CCT6A: variants seen among roughly 807,000 people sequenced by gnomAD.
CCT6A encodes the protein chaperonin containing TCP1 subunit 6A, also known as T-complex protein 1 subunit zeta.
In CCT6A, 6 loss-of-function variants were observed where a neutral mutation model predicts 58.6. The observed-to-expected ratio is 0.10, with a 90% CI of 0.06 to 0.20. The LOEUF (loss-of-function observed/expected upper bound fraction) is 0.20, where lower values mean the gene tolerates loss of function less well. Among genes scored for constraint, CCT6A ranks in the 10% least tolerant of loss-of-function variants. The pLI is 1.00. For synonymous variants in CCT6A, 245 were observed against 227.8 expected, an observed-to-expected ratio of 1.08 and a Z score of -0.68; for missense variants, 516 against 648.8, an observed-to-expected ratio of 0.80 and a Z score of 2.22.
At position 56,058,502 on chromosome 7, in the gene CCT6A, T is replaced by G; in HGVS notation, c.866T>G (p.Phe289Cys). 1 of 1,595,106 alleles carries G rather than the reference T, an allele frequency of 6.3e-7. No individual in the cohort carries two copies. Among genetic ancestry groups the G allele is most frequent in the Non-Finnish European group, 8.5e-7 (1 of 1,174,058 alleles). ...GTCTGTGGCGATTCAGATAAAGGATTTGTTGTTATTAATCAAAAGGTGAGA... is the reference window on the plus strand; with the variant it reads ...GTCTGTGGCGATTCAGATAAAGGATGTGTTGTTATTAATCAAAAGGTGAGA... ...RKVCGDSDKG[F>C]VVINQKGIDP... The change falls in exon 7 of 14, where the codon TTT becomes TGT. Residue 289 changes from phenylalanine (F) to cysteine (C), a missense_variant. Physicochemically the swap from Phe to Cys is radical, Grantham distance 205. Around this residue, in one of 3 missense-constraint regions of CCT6A, gnomAD observed 315 missense variants for 389.4 expected, o/e 0.81. Coordinates refer to ENST00000275603, the MANE Select transcript of CCT6A (RefSeq NM_001762.4).
chr7:56,063,169 A>C lies in CCT6A; in HGVS notation c.*84A>C, dbSNP rs543207674. The C allele has an allele frequency of 1.2e-4, 120 of 963,628 alleles. 1 individual carries two copies. In the African/African-American group the frequency reaches 1.7e-3, roughly 13 times the overall value. 59.7% of individuals were successfully genotyped at this position (963,628 alleles called of 1,614,324 possible). On this transcript the variant is annotated 3_prime_UTR_variant, in exon 14 of 14. Coordinates refer to ENST00000275603, the MANE Select transcript of CCT6A (RefSeq NM_001762.4). ...GCTGTGGAATTTTTGTCCAAGCTTC[A>C]AATAATTTTGAAAGAAATTTTCCCA...
chr7:56,052,295 A>G (rs1794134232), intron 1 of CCT6A, 127 bp from the exon 2 acceptor site: 2 of 827,652 alleles, frequency 2.4e-6, no homozygotes, highest in Admixed American at 2.1e-5. Context: ...CCTGTCCTCC[A>G]TCCTGCTGGA....
rs550230543 is a variant in CCT6A at position 56,060,177 on chromosome 7, T to C, written c.1066-92T>C. ...TAATGTGATCAAGTTTGTTCCTTAT[T>C]AATATGCTACTTGTCATTCTCTGTA... On this transcript the variant is annotated intron_variant, in intron 9 of 13. Transcript: ENST00000275603. 22 of 1,071,828 alleles carry C rather than the reference T, an allele frequency of 2.1e-5. No homozygotes were observed. In the African/African-American group the frequency reaches 2.8e-4, roughly 14 times the overall value. The allele number at this position is 1,071,828 out of a possible 1,614,324, so 66.4% of individuals were successfully genotyped here. A position where few individuals can be genotyped will look rare whatever the true frequency, so the allele number is the denominator to read the frequency against.
intron 2 of CCT6A, among the ~76,000 whole-genome samples, chr7:56,052,801 TTTTTTTTA>T (rs371625687): frequency 0.63 from 94,256 of 149,370 alleles, 30,202 homozygotes; most frequent in Non-Finnish European, 0.69. Context: ...TTCTTTTTTT[TTTTTTTTA>T]ATTAGACGAA....
intron 2 of CCT6A, among the ~76,000 whole-genome samples, chr7:56,053,942 C>T (rs1794247557): frequency 6.6e-6 from 1 of 152,160 alleles, no homozygotes; most frequent in South Asian, 2.1e-4. Flanking sequence ...TCTCCAATCT[C>T]CAGAAGTCTG....
At position 56,060,874 on chromosome 7, in the gene CCT6A, C is replaced by T. The variant is rs1424111550; in HGVS notation, c.1281C>T (p.Pro427=). Residue 427 remains proline (P), a synonymous_variant, in exon 11 of 14, where the codon CCC becomes CCT. Transcript: ENST00000275603. ...AMAEALIKHK[P]SVKGRAQLGV... is the part of the protein sequence containing the mutation. ...CAGAAGCCCTGATTAAACATAAGCC[C>T]AGTGTAAAGGGCAGGGCACAGCTTG... The T allele has an allele frequency of 1.9e-6, 3 of 1,613,828 alleles. No individual in the cohort carries two copies. The highest frequency in any genetic ancestry group is 2.5e-6 in the Non-Finnish European group (3 of 1,179,984).
In CCT6A at chr7:56,063,871, T is replaced by TA. The variant is rs1367400188; in HGVS notation, c.*787dup. 5.0e-6 allele frequency: 1 copy of TA among 199,488 alleles called. No individual in the cohort carries two copies. Among genetic ancestry groups the TA allele is most frequent in the African/African-American group, 2.3e-5 (1 of 42,808 alleles). The allele number at this position is 199,488 out of a possible 1,614,324, so 12.4% of individuals were successfully genotyped here. A position where few individuals can be genotyped will look rare whatever the true frequency, so the allele number is the denominator to read the frequency against. On this transcript the variant is annotated 3_prime_UTR_variant, in exon 14 of 14. Transcript: ENST00000275603. ...AATTACGTTTCCACGAGATTATTTA[T>TA]ATATAGTTGGTCTATCTCTGCAGTC...
chr7:56,063,099 CTG>C lies in CCT6A; in HGVS notation c.*16_*17del, dbSNP rs759750812. 2.1e-5 allele frequency: 32 copies of C among 1,556,874 alleles called. No homozygotes were observed. The highest frequency in any genetic ancestry group is 1.7e-4 in the Middle Eastern group (1 of 5,988). ...CTGAAAGGTTGAATTGAAGCTTCCT[CTG>C]TATCTGAATCTTGAAGACTGCAAAG... is the stretch of plus-strand genomic sequence containing the variant. On this transcript the variant is annotated 3_prime_UTR_variant, in exon 14 of 14. Coordinates refer to ENST00000275603, the MANE Select transcript of CCT6A (RefSeq NM_001762.4).
Position 56,051,838 on chromosome 7 carries a change from C to T in CCT6A, c.-11C>T, listed in dbSNP as rs1266593914. On this transcript the variant is annotated 5_prime_UTR_variant, in exon 1 of 14. Transcript: ENST00000275603. ...CTCAGCATCGTTTCCTTTTCCTCCGCTGGAGCAGCTATGGCGGCGGTGAAG... is the reference window on the plus strand; with the variant it reads ...CTCAGCATCGTTTCCTTTTCCTCCGTTGGAGCAGCTATGGCGGCGGTGAAG... 7 of 1,555,694 alleles carry T rather than the reference C, an allele frequency of 4.5e-6. No homozygotes were observed. Among genetic ancestry groups the T allele is most frequent in the Non-Finnish European group, 6.1e-6 (7 of 1,150,476 alleles).
Position 56,063,620 on chromosome 7 carries a change from G to A in CCT6A, c.*535G>A, listed in dbSNP as rs1484032671. 6.1e-6 allele frequency: 1 copy of A among 164,866 alleles called. No individual in the cohort carries two copies. The highest frequency in any genetic ancestry group is 1.3e-5 in the Non-Finnish European group (1 of 76,120). The allele number at this position is 164,866 out of a possible 1,614,324, so 10.2% of individuals were successfully genotyped here. ...TTTGCTAAAATGCTCCCGCCACAAA[G>A]TTGTAGGAAATGGGAAGAGGAGTCA... On this transcript the variant is annotated 3_prime_UTR_variant, in exon 14 of 14. Transcript: ENST00000275603.
At chr7:56,053,938 A>G (rs774628982) in intron 2 of CCT6A, among the ~76,000 whole-genome samples, 46 of 152,310 alleles carry the variant, frequency 3.0e-4, no homozygotes, top group South Asian at 2.1e-4. Flanking sequence ...CCTCTCTCCA[A>G]TCTCCAGAAG....
intron 9 of CCT6A, 27 bp from the exon 10 acceptor site, chr7:56,060,242 T>A: frequency 6.2e-7 from 1 of 1,605,332 alleles, no homozygotes; most frequent in Non-Finnish European, 8.5e-7. Context: ...ATCCTGTTTT[T>A]GAAAATCATA....
chr7:56,053,037 C>T (rs893198053), intron 2 of CCT6A, among the ~76,000 whole-genome samples: 2 of 152,102 alleles, frequency 1.3e-5, no homozygotes, highest in East Asian at 1.9e-4. Flanking sequence ...CAGGCGATCC[C>T]CCCGCATCAG....
At chr7:56,061,690 TTTTTACTATCAGTTA>T in intron 11 of CCT6A, 42 bp from the exon 12 acceptor site, 2 of 560,360 alleles carry the variant, frequency 3.6e-6, no homozygotes, top group South Asian at 2.1e-5. Context: ...TTTTTTTTTT[TTTTTACTATCAGTTA>T]TTAGTTCCTG....
chr7:56,052,221 T>C (rs534610628), intron 1 of CCT6A, among the ~76,000 whole-genome samples: 8 of 152,344 alleles, frequency 5.3e-5, no homozygotes, highest in African/African-American at 1.9e-4. Context: ...TTCCCCGCCC[T>C]CTGGGGCTTC....
intron 5 of CCT6A, among the ~76,000 whole-genome samples, chr7:56,057,533 T>C (rs569667268): frequency 6.6e-6 from 1 of 152,316 alleles, no homozygotes; most frequent in South Asian, 2.1e-4. Context: ...TTTGACAGCC[T>C]ACCAGTGAGA....
In CCT6A at chr7:56,055,733, T is replaced by A. The variant is rs201362156; in HGVS notation, c.446T>A (p.Ile149Lys). The A allele has an allele frequency of 3.7e-6, 6 of 1,613,686 alleles. No individual in the cohort carries two copies. The African/African-American group carries it at 6.7e-5, about 18-fold the overall frequency. The change falls in exon 4 of 14, where the codon ATA becomes AAA. Residue 149 changes from isoleucine to lysine, a missense_variant. Ile to Lys is a moderately radical substitution (Grantham distance 102, BLOSUM62 -3). Around this residue, in one of 3 missense-constraint regions of CCT6A, gnomAD observed 85 missense variants for 74.9 expected, o/e 1.13. Coordinates refer to ENST00000275603, the MANE Select transcript of CCT6A (RefSeq NM_001762.4). ...AGAGAGATGGACAGGGAAACACTTA[T>A]AGATGTGGCCAGAACATCTCTTCGT... is the stretch of plus-strand genomic sequence containing the variant. ...VSREMDRETL[I>K]DVARTSLRTK...
chr7:56,054,317 A>G, intron 2 of CCT6A, 52 bp from the exon 3 acceptor site: 1 of 1,512,786 alleles, frequency 6.6e-7, no homozygotes. Flanking sequence ...TCTGTGGTAT[A>G]TTTAGACTGC....
Position 56,056,753 on chromosome 7 carries a change from CTG to C in CCT6A, c.614+343_614+344del, listed in dbSNP as rs1260748978. 3.9e-3 allele frequency among the ~76,000 whole-genome samples: 589 copies of C among 150,262 alleles called. 9 individuals carry two copies. The highest frequency in any genetic ancestry group is 0.014 in the African/African-American group (556 of 41,012). On this transcript the variant is annotated intron_variant, in intron 5 of 13. Coordinates refer to ENST00000275603, the MANE Select transcript of CCT6A (RefSeq NM_001762.4). ...AAAAAAAACAAAAACAAAAAATAAA[CTG>C]TGTTTAGAAATTTAGGGGTGCTTTG...
Sources: gnomAD v4.1 joint callset for allele counts (sites outside exome capture counted in the v4.1 genomes callset) on GRCh38, gnomAD v4.1.1 for gene constraint, gnomAD v4.1.1 regional missense constraint, MANE v1.5 for transcripts, NCBI Gene and HGNC (gene_info 2026-07-23, HGNC 2026-07-21) for gene names.